Variants in OTUD3 observed in about 807,000 individuals in gnomAD.
OTUD3 encodes OTU deubiquitinase 3.
A neutral mutation model predicts 46.2 loss-of-function variants in OTUD3; 24 were observed. That is an observed-to-expected ratio of 0.52 (90% CI 0.38 to 0.73). OTUD3 has a LOEUF of 0.73. OTUD3 is among the 30% of genes least tolerant of loss of function. The probability of loss-of-function intolerance (pLI) is 0.00; values close to 1 mark genes in which losing one functional copy is unlikely to be tolerated. For synonymous variants in OTUD3, 189 were observed against 195.4 expected (o/e 0.97, Z 0.27); for missense variants, 455 against 523.3 (o/e 0.87, Z 1.27).
chr1:19,899,914 C>T (rs1370271940), intron 4 of OTUD3, among the ~76,000 whole-genome samples: 1 of 150,990 alleles, frequency 6.6e-6, no homozygotes, highest in Non-Finnish European at 1.5e-5. Flanking sequence ...CCATTTTTTT[C>T]CTATTAAGTT....
rs192552816 is a variant in OTUD3, at chr1:19,887,789, C to T, written c.222-2596C>T. The stretch of plus-strand genomic sequence containing the variant: ...TAAAGCCACATCATTTATCTGAATA[C>T]GTCTCTCTTAAAATACAGTAACTAG... On this transcript the variant is annotated intron_variant, in intron 1 of 7. Coordinates refer to ENST00000375120, the MANE Select transcript of OTUD3 (RefSeq NM_015207.2). Among the ~76,000 whole-genome samples the T allele has an allele frequency of 7.9e-5, 12 of 152,260 alleles. No homozygotes were observed. In the East Asian group the frequency reaches 1.9e-3, roughly 25 times the overall value.
chr1:19,894,578 A>G (rs915255087), intron 3 of OTUD3, 98 bp downstream of exon 3: 4 of 701,990 alleles, frequency 5.7e-6, no homozygotes, highest in Non-Finnish European at 4.7e-6. Flanking sequence ...ACATTGAATT[A>G]TGCGGAGTAA....
chr1:19,895,568 A>G (rs149831152), intron 3 of OTUD3, among the ~76,000 whole-genome samples: 178 of 152,342 alleles, frequency 1.2e-3, no homozygotes, highest in African/African-American at 4.0e-3. Context: ...TAACAAAACT[A>G]TGCTACAACA....
intron 3 of OTUD3, among the ~76,000 whole-genome samples, chr1:19,895,980 AT>A (rs372806476): frequency 5.9e-5 from 9 of 151,664 alleles, no homozygotes; most frequent in African/African-American, 1.2e-4. Flanking sequence ...GCATAGGTAA[AT>A]TTTTTTTTGA....
rs1435108382 is a variant in OTUD3, at chr1:19,894,468, C to T, written c.471C>T (p.Ala157=). The change falls in exon 3 of 8, where the codon GCC becomes GCT. Residue 157 remains alanine (A), a synonymous_variant. Coordinates refer to ENST00000375120, the MANE Select transcript of OTUD3 (RefSeq NM_015207.2). ...QLNVVIHQLN[A]PLWQIRGTEK... is the part of the protein sequence containing the mutation. ...ATGTAGTGATTCATCAACTTAATGC[C>T]CCTTTGTGGCAGGTAGGTCACCTAT... 3.8e-6 allele frequency: 6 copies of T among 1,583,972 alleles called. No homozygotes were observed. The highest frequency in any genetic ancestry group is 4.3e-6 in the Non-Finnish European group (5 of 1,158,658).
chr1:19,897,881 C>A, intron 4 of OTUD3: 1 of 415,482 alleles, frequency 2.4e-6, no homozygotes, highest in Non-Finnish European at 4.3e-6. Flanking sequence ...TTGATAGTTA[C>A]AATTGTATGT....
intron 1 of OTUD3, among the ~76,000 whole-genome samples, chr1:19,883,635 C>A (rs1432796402): frequency 1.3e-5 from 2 of 152,008 alleles, no homozygotes; most frequent in Admixed American, 1.3e-4. Context: ...TAAGGAATTG[C>A]CTTAGTTCAT....
At position 19,882,583 on chromosome 1, in the gene OTUD3, C is replaced by T. The variant is rs1191814308; in HGVS notation, c.70C>T (p.Arg24Trp). The T allele has an allele frequency of 1.8e-5, 25 of 1,406,344 alleles. No homozygotes were observed. Among genetic ancestry groups the T allele is most frequent in the Admixed American group, 1.6e-4 (5 of 31,580 alleles). The allele number at this position is 1,406,344 out of a possible 1,614,324, so 87.1% of individuals were successfully genotyped here. A position where few individuals can be genotyped will look rare whatever the true frequency, so the allele number is the denominator to read the frequency against. ...CCGGAAAGCCGAGGCCGAGCGCAAGCGGGACGAGCGGGCGGCGCGCCGGGC... is the reference window on the plus strand; with the variant it reads ...CCGGAAAGCCGAGGCCGAGCGCAAGTGGGACGAGCGGGCGGCGCGCCGGGC... Reference protein sequence around the residue: ...GSRKAEAERKRDERAARRALA... With the variant: ...GSRKAEAERKWDERAARRALA... Residue 24 changes from arginine (R) to tryptophan (W), a missense_variant, in exon 1 of 8, where the codon CGG becomes TGG. Coordinates refer to ENST00000375120, the MANE Select transcript of OTUD3 (RefSeq NM_015207.2).
chr1:19,903,241 G>A (rs1006443755), intron 4 of OTUD3, among the ~76,000 whole-genome samples: 1 of 151,566 alleles, frequency 6.6e-6, no homozygotes, highest in African/African-American at 2.4e-5. Context: ...TTGTAGAGAC[G>A]GGATGTCACT....
At chr1:19,883,178 T>C (rs2045298241) in intron 1 of OTUD3, among the ~76,000 whole-genome samples, 1 of 152,180 alleles carries the variant, frequency 6.6e-6, no homozygotes, top group South Asian at 2.1e-4. Context: ...CTTTGAGTCC[T>C]TGGTTTTTGG....
At chr1:19,899,676 G>A (rs139620991) in intron 4 of OTUD3, among the ~76,000 whole-genome samples, 51 of 152,282 alleles carry the variant, frequency 3.3e-4, no homozygotes, top group African/African-American at 1.1e-3. Flanking sequence ...GTCAAATTAC[G>A]TTCTAACAAG....
intron 7 of OTUD3, 139 bp downstream of exon 7, chr1:19,906,755 C>A (rs2100324385): frequency 1.3e-6 from 1 of 763,490 alleles, no homozygotes; most frequent in Non-Finnish European, 2.1e-6. Context: ...ATGCATAAAG[C>A]TACATCAAGA....
Position 19,904,197 on chromosome 1 carries a change from C to T in OTUD3, c.607-70C>T, listed in dbSNP as rs371041161. On this transcript the variant is annotated intron_variant, in intron 4 of 7. Transcript: ENST00000375120. ...TATGAATTTTTCCAGATTAGAGTGTCTTGTGTTAAAGATTCTGAACATAGT... is the reference window on the plus strand; with the variant it reads ...TATGAATTTTTCCAGATTAGAGTGTTTTGTGTTAAAGATTCTGAACATAGT... 18 of 1,267,936 alleles carry T rather than the reference C, an allele frequency of 1.4e-5. No individual in the cohort carries two copies. In the East Asian group the frequency reaches 2.7e-4, roughly 19 times the overall value. 78.5% of individuals were successfully genotyped at this position (1,267,936 alleles called of 1,614,324 possible).
chr1:19,899,042 C>A (rs2045554327), intron 4 of OTUD3, among the ~76,000 whole-genome samples: 1 of 152,158 alleles, frequency 6.6e-6, no homozygotes, highest in Non-Finnish European at 1.5e-5. Context: ...AGCTCCTGGG[C>A]TCAAGTGATC....
intron 4 of OTUD3, among the ~76,000 whole-genome samples, chr1:19,901,054 C>G (rs541518908): frequency 6.6e-6 from 1 of 151,534 alleles, no homozygotes; most frequent in Non-Finnish European, 1.5e-5. Context: ...GGATTACAGG[C>G]GCTCGCCACT....
chr1:19,902,251 C>G (rs569833780), intron 4 of OTUD3, among the ~76,000 whole-genome samples: 7 of 152,284 alleles, frequency 4.6e-5, no homozygotes, highest in African/African-American at 1.7e-4. Context: ...GTCGCCCAGG[C>G]TGGAGTGCAG....
At position 19,884,816 on chromosome 1, in the gene OTUD3, T is replaced by C. The variant is rs1399038853; in HGVS notation, c.221+2082T>C. ...AGACCTTCCCACATCTCCGGTCCCT[T>C]GAGTCACACTTTGAGAACAGATGAT... On this transcript the variant is annotated intron_variant, in intron 1 of 7. Coordinates refer to ENST00000375120, the MANE Select transcript of OTUD3 (RefSeq NM_015207.2). 2.0e-5 allele frequency among the ~76,000 whole-genome samples: 3 copies of C among 152,208 alleles called. No homozygotes were observed. In the South Asian group the frequency reaches 6.2e-4, roughly 32 times the overall value.
At position 19,907,923 on chromosome 1, in the gene OTUD3, G is replaced by A; in HGVS notation, c.*177G>A. The A allele has an allele frequency of 1.9e-6, 1 of 524,222 alleles. No individual in the cohort carries two copies. The highest frequency in any genetic ancestry group is 3.0e-5 in the East Asian group (1 of 33,574). 32.5% of individuals were successfully genotyped at this position (524,222 alleles called of 1,614,324 possible). ...TCTTTTTTTGTTCGAAGTTTTATTA[G>A]TGATATGTTGGTGTTTTATGAAAAT... On this transcript the variant is annotated 3_prime_UTR_variant, in exon 8 of 8. Coordinates refer to ENST00000375120, the MANE Select transcript of OTUD3 (RefSeq NM_015207.2).
chr1:19,907,040 T>C (rs543439935), intron 7 of OTUD3: 1 of 163,412 alleles, frequency 6.1e-6, no homozygotes, highest in Admixed American at 5.9e-5. Context: ...TACATGAATC[T>C]TTTAAAGGCT....
Sources: allele counts gnomAD v4.1 joint callset (sites outside exome capture counted in the v4.1 genomes callset), GRCh38; gene constraint gnomAD v4.1.1; transcripts MANE v1.5; gene names NCBI Gene and HGNC (gene_info 2026-07-23, HGNC 2026-07-21).